The following RPL22 variants were observed in gnomAD, a reference collection of about 807,000 sequenced individuals.
The protein encoded by RPL22 is ribosomal protein L22, also known as large ribosomal subunit protein eL22.
A neutral mutation model predicts 16.2 loss-of-function variants in RPL22; 4 were observed. That is an observed-to-expected ratio of 0.25 (90% CI 0.12 to 0.57). The LOEUF (loss-of-function observed/expected upper bound fraction) is 0.57, where lower values mean the gene tolerates loss of function less well. RPL22 is among the 20% of genes least tolerant of loss of function. The pLI is 0.92. For synonymous variants in RPL22, 43 were observed against 54.8 expected (o/e 0.78, Z 0.95); for missense variants, 83 against 156.1 (o/e 0.53, Z 2.49).
chr1:6,186,960 T>C, intron 3 of RPL22, 144 bp from the exon 4 acceptor site: 3 of 1,161,544 alleles, frequency 2.6e-6, no homozygotes, highest in Non-Finnish European at 3.7e-6. Context: ...GTAAGGCAAA[T>C]ACACCCAGCC....
At chr1:6,194,675 C>G (rs1356102325) in intron 2 of RPL22, among the ~76,000 whole-genome samples, 1 of 152,052 alleles carries the variant, frequency 6.6e-6, no homozygotes, top group Non-Finnish European at 1.5e-5. Context: ...TTGCTCAAGC[C>G]CAGGAGTTCA....
chr1:6,189,612 T>TAAAAAA (rs550383303), intron 3 of RPL22, among the ~76,000 whole-genome samples: 2 of 125,802 alleles, frequency 1.6e-5, no homozygotes, highest in Non-Finnish European at 1.7e-5. Flanking sequence ...AAAATCAGGT[T>TAAAAAA]AAAAAAAAAA....
intron 1 of RPL22, chr1:6,197,967 G>C: frequency 3.4e-6 from 2 of 582,422 alleles, no homozygotes; most frequent in South Asian, 4.2e-5. Context: ...TGGGGCCTGG[G>C]GTCATGCCCT....
At chr1:6,199,349 T>C in intron 1 of RPL22, 2 of 1,300,776 alleles carry the variant, frequency 1.5e-6, no homozygotes, top group Non-Finnish European at 2.0e-6. Flanking sequence ...CTCCGAGACC[T>C]CCCGGATCTC....
chr1:6,196,489 T>C (rs1192743927), intron 2 of RPL22, among the ~76,000 whole-genome samples: 5 of 152,250 alleles, frequency 3.3e-5, no homozygotes, highest in African/African-American at 1.2e-4. Flanking sequence ...GTGACCATAA[T>C]TATTTTGTGT....
At chr1:6,196,903 C>A (rs1667727377) in intron 2 of RPL22, among the ~76,000 whole-genome samples, 2 of 152,222 alleles carry the variant, frequency 1.3e-5, no homozygotes. Context: ...AGCTCCACAT[C>A]AAAGCAGTGA....
chr1:6,193,386 G>A (rs996494449), intron 2 of RPL22, among the ~76,000 whole-genome samples: 2 of 150,742 alleles, frequency 1.3e-5, no homozygotes, highest in African/African-American at 2.5e-5. Context: ...GTGCAATGGC[G>A]CGATCTCGGC....
intron 3 of RPL22, 125 bp downstream of exon 3, chr1:6,192,805 G>A: frequency 8.6e-7 from 1 of 1,162,332 alleles, no homozygotes; most frequent in East Asian, 2.4e-5. Context: ...CTCCTGCACT[G>A]AGCATAGTTC....
chr1:6,194,979 A>T lies in RPL22; in HGVS notation c.118-1925T>A, dbSNP rs148189670. On this transcript the variant is annotated intron_variant, in intron 2 of 3. Transcript: ENST00000234875. Reference sequence around the variant, plus strand: ...TGGTGAAACCCTGTTTCTACTAAAAATACAGAAAATTAGCCAGGCGTGGTG... The same window carrying T: ...TGGTGAAACCCTGTTTCTACTAAAATTACAGAAAATTAGCCAGGCGTGGTG... Among the ~76,000 whole-genome samples the T allele has an allele frequency of 7.0e-3, 1,070 of 152,186 alleles. 15 individuals carry two copies. Among genetic ancestry groups the T allele is most frequent in the African/African-American group, 0.025 (1,022 of 41,518 alleles).
intron 3 of RPL22, among the ~76,000 whole-genome samples, chr1:6,191,410 G>A (rs1210873359): frequency 1.4e-4 from 19 of 137,564 alleles, no homozygotes; most frequent in African/African-American, 5.3e-4. Flanking sequence ...GCTCACGCCT[G>A]TAATCCCAGC....
At chr1:6,196,337 G>A (rs1422035363) in intron 2 of RPL22, among the ~76,000 whole-genome samples, 1 of 152,144 alleles carries the variant, frequency 6.6e-6, no homozygotes, top group East Asian at 1.9e-4. Context: ...TGAAAAAGAG[G>A]AGGCCACAGA....
At chr1:6,194,859 G>A (rs369029262) in intron 2 of RPL22, among the ~76,000 whole-genome samples, 10 of 152,308 alleles carry the variant, frequency 6.6e-5, no homozygotes, top group African/African-American at 2.4e-4. Context: ...CTGCCCTCCA[G>A]CCTGGACAAC....
Position 6,185,133 on chromosome 1 carries a change from T to A in RPL22, c.*1539A>T, listed in dbSNP as rs768536997. 223 of 392,674 alleles carry A rather than the reference T, an allele frequency of 5.7e-4. No homozygotes were observed. The highest frequency in any genetic ancestry group is 1.2e-3 in the Admixed American group (26 of 22,562). 24.3% of individuals were successfully genotyped at this position (392,674 alleles called of 1,614,324 possible). A position where few individuals can be genotyped will look rare whatever the true frequency, so the allele number is the denominator to read the frequency against. On this transcript the variant is annotated 3_prime_UTR_variant, in exon 4 of 4. Transcript: ENST00000234875. Reference sequence around the variant, plus strand: ...GTGAGTTTCAATTTTATTACAAGTTTTCAAATCTGGGACTAGTTTCTTTTT... The same window carrying A: ...GTGAGTTTCAATTTTATTACAAGTTATCAAATCTGGGACTAGTTTCTTTTT...
Position 6,185,490 on chromosome 1 carries a change from A to G in RPL22, c.*1182T>C. On this transcript the variant is annotated 3_prime_UTR_variant, in exon 4 of 4. Coordinates refer to ENST00000234875, the MANE Select transcript of RPL22 (RefSeq NM_000983.4). Reference sequence around the variant, plus strand: ...TTCAACTCAATCCACAGAGCACCAAATGTTTAATGGGAGCCAAGGTAGGAC... The same window carrying G: ...TTCAACTCAATCCACAGAGCACCAAGTGTTTAATGGGAGCCAAGGTAGGAC... The G allele has an allele frequency of 2.5e-6, 1 of 396,924 alleles. No individual in the cohort carries two copies. Among genetic ancestry groups the G allele is most frequent in the East Asian group, 3.6e-5 (1 of 28,000 alleles). The allele number at this position is 396,924 out of a possible 1,614,324, so 24.6% of individuals were successfully genotyped here.
intron 2 of RPL22, among the ~76,000 whole-genome samples, chr1:6,197,391 T>C (rs539876277): frequency 2.0e-5 from 3 of 152,178 alleles, no homozygotes; most frequent in African/African-American, 7.2e-5. Context: ...AACAAGATAG[T>C]CCTCTAACAC....
rs1667740676 is a variant in RPL22, at chr1:6,197,847, G to C, written c.13-91C>G. ...AACCAGAAACGTCATAGGTATAAAA[G>C]TCCATACAAATACAAAACTAACGGA... On this transcript the variant is annotated intron_variant, in intron 1 of 3. Coordinates refer to ENST00000234875, the MANE Select transcript of RPL22 (RefSeq NM_000983.4). The C allele has an allele frequency of 4.2e-6, 4 of 943,918 alleles. No homozygotes were observed. The Admixed American group carries it at 5.9e-5, about 14-fold the overall frequency. 58.5% of individuals were successfully genotyped at this position (943,918 alleles called of 1,614,324 possible). A position where few individuals can be genotyped will look rare whatever the true frequency, so the allele number is the denominator to read the frequency against.
At chr1:6,192,894 G>A (rs780183704) in intron 3 of RPL22, 36 bp downstream of exon 3, 4 of 1,593,658 alleles carry the variant, frequency 2.5e-6, no homozygotes, top group Non-Finnish European at 3.4e-6. Flanking sequence ...TGGGCACTGG[G>A]TGCACGCAGG....
intron 2 of RPL22, among the ~76,000 whole-genome samples, chr1:6,194,798 G>A (rs566255939): frequency 1.3e-5 from 2 of 152,250 alleles, no homozygotes; most frequent in East Asian, 3.9e-4. Flanking sequence ...TGAGGTGGGA[G>A]GATCACTTGG....
chr1:6,185,848 G>A lies in RPL22; in HGVS notation c.*824C>T, dbSNP rs1667576515. 8.7e-6 allele frequency: 2 copies of A among 230,816 alleles called. No individual in the cohort carries two copies. Among genetic ancestry groups the A allele is most frequent in the Non-Finnish European group, 1.7e-5 (2 of 116,682 alleles). 14.3% of individuals were successfully genotyped at this position (230,816 alleles called of 1,614,324 possible). Reference sequence around the variant, plus strand: ...AGGGCACCTCCCACCTCCTTGGCATGGGAGGCTTCCCAGTCACTCCTCCTT... The same window carrying A: ...AGGGCACCTCCCACCTCCTTGGCATAGGAGGCTTCCCAGTCACTCCTCCTT... On this transcript the variant is annotated 3_prime_UTR_variant, in exon 4 of 4. Transcript: ENST00000234875.
Sources: gnomAD v4.1 joint callset for allele counts (sites outside exome capture counted in the v4.1 genomes callset) on GRCh38, gnomAD v4.1.1 for gene constraint, MANE v1.5 for transcripts, NCBI Gene and HGNC (gene_info 2026-07-23, HGNC 2026-07-21) for gene names.